KANK1: variants seen among roughly 807,000 people sequenced by gnomAD.
KANK1 encodes the protein KN motif and ankyrin repeat domain-containing protein 1.
In KANK1, 109 loss-of-function variants were observed where a neutral mutation model predicts 106.2. The observed-to-expected ratio is 1.03, with a 90% CI of 0.88 to 1.20. KANK1 has a LOEUF of 1.20. KANK1 is among the 50% of genes most tolerant of loss of function. The pLI is 0.00. For synonymous variants in KANK1, 873 were observed against 652.2 expected, an observed-to-expected ratio of 1.34 and a Z score of -5.16; for missense variants, 2,399 against 1,710.7, an observed-to-expected ratio of 1.40 and a Z score of -7.10.
intron 1 of KANK1, among the ~76,000 whole-genome samples, chr9:671,623 A>AAAAAAAAAAAAAAG (rs79437342): frequency 1.3e-4 from 13 of 103,622 alleles, no homozygotes; most frequent in African/African-American, 5.3e-4. Context: ...CTCAAAAAAA[A>AAAAAAAAAAAAAAG]AAAAGAGTGT....
chr9:641,308 A>T (rs957151157), intron 1 of KANK1, among the ~76,000 whole-genome samples: 1 of 152,214 alleles, frequency 6.6e-6, no homozygotes, highest in African/African-American at 2.4e-5. Context: ...AACAAATAAA[A>T]GTCTTTTACC....
At chr9:531,544 A>C (rs1040151184) in intron 1 of KANK1, among the ~76,000 whole-genome samples, 8 of 152,250 alleles carry the variant, frequency 5.3e-5, no homozygotes, top group Admixed American at 2.0e-4. Context: ...ATTGCAAAGC[A>C]AAACTCAATT....
intron 3 of KANK1, chr9:478,410 C>T (rs1196078139): frequency 6.6e-6 from 1 of 152,546 alleles, no homozygotes; most frequent in Non-Finnish European, 1.5e-5. Flanking sequence ...AATAAAAACA[C>T]AGCATGGTTA....
rs114114032 is a variant in KANK1 at position 744,505 on chromosome 9, G to A, written c.3912G>A (p.Ala1304=). 3.7e-3 allele frequency: 5,989 copies of A among 1,613,924 alleles called. 29 individuals carry two copies. Among genetic ancestry groups the A allele is most frequent in the Non-Finnish European group, 3.8e-3 (4,538 of 1,179,884 alleles). The change falls in exon 11 of 12, where the codon GCG becomes GCA. Residue 1304 remains alanine, a synonymous_variant. Coordinates refer to ENST00000382297, the MANE Select transcript of KANK1 (RefSeq NM_015158.5). ...CTTATCTTAAGGATGGCAGCACTGCGCTCTCAATCGCCCTGGAAGCAGGAC... is the reference window on the plus strand; with the variant it reads ...CTTATCTTAAGGATGGCAGCACTGCACTCTCAATCGCCCTGGAAGCAGGAC... The part of the protein sequence containing the change: ...GHLEDNDGST[A]LSIALEAGHK...
At chr9:709,610 CTTT>C (rs60899850) in intron 2 of KANK1, among the ~76,000 whole-genome samples, 40 of 136,974 alleles carry the variant, frequency 2.9e-4, no homozygotes, top group Admixed American at 2.2e-4. Flanking sequence ...GCTTTCATGT[CTTT>C]TTTTTTTTTT....
chr9:587,125 G>T (rs935439524), intron 1 of KANK1, among the ~76,000 whole-genome samples: 1 of 152,014 alleles, frequency 6.6e-6, no homozygotes, highest in African/African-American at 2.4e-5. Context: ...GTAATTTCTG[G>T]CCTTACATAA....
At chr9:663,986 C>G (rs1005831361) in intron 1 of KANK1, among the ~76,000 whole-genome samples, 6 of 152,022 alleles carry the variant, frequency 3.9e-5, no homozygotes, top group Non-Finnish European at 1.5e-5. Flanking sequence ...TATCCTCACC[C>G]AGATCTCATC....
At chr9:474,916 T>A (rs571882255) in intron 3 of KANK1, among the ~76,000 whole-genome samples, 13 of 152,148 alleles carry the variant, frequency 8.5e-5, no homozygotes, top group Non-Finnish European at 1.5e-4. Context: ...CATCTGATGG[T>A]GTACTTGTTA....
Position 674,930 on chromosome 9 carries a change from C to G in KANK1, c.-83-1960C>G, listed in dbSNP as rs571071317. ...ATGTTGGCCAGGCTGGTCTCAAACT[C>G]CTGACCTCAGGTGATCTGCCTGCGT... On this transcript the variant is annotated intron_variant, in intron 1 of 11. Transcript: ENST00000382297. Among the ~76,000 whole-genome samples, 79 of 152,224 alleles carry G rather than the reference C, an allele frequency of 5.2e-4. No individual in the cohort carries two copies. The South Asian group carries it at 0.016, about 31-fold the overall frequency.
intron 1 of KANK1, among the ~76,000 whole-genome samples, chr9:558,218 A>T (rs1230470867): frequency 1.3e-5 from 2 of 152,232 alleles, no homozygotes; most frequent in Non-Finnish European, 2.9e-5. Flanking sequence ...GTTCTGTTAT[A>T]TAAATAGGAT....
chr9:625,211 C>T (rs187446001), intron 1 of KANK1, among the ~76,000 whole-genome samples: 2 of 152,232 alleles, frequency 1.3e-5, no homozygotes, highest in African/African-American at 2.4e-5. Context: ...GCTACTGTCA[C>T]GGGAAAGATT....
chr9:722,797 A>G (rs1384915809), intron 3 of KANK1, among the ~76,000 whole-genome samples: 2 of 152,182 alleles, frequency 1.3e-5, no homozygotes, highest in Non-Finnish European at 2.9e-5. Flanking sequence ...TTACATGGAC[A>G]CTTATTAAAG....
intron 1 of KANK1, among the ~76,000 whole-genome samples, chr9:572,041 G>A (rs954681868): frequency 6.6e-6 from 1 of 151,670 alleles, no homozygotes; most frequent in African/African-American, 2.4e-5. Context: ...GGGAGGAGAT[G>A]CTTATTTTCC....
At chr9:540,867 G>A (rs1179692530) in intron 1 of KANK1, among the ~76,000 whole-genome samples, 2 of 152,084 alleles carry the variant, frequency 1.3e-5, no homozygotes, top group African/African-American at 4.8e-5. Context: ...CAATTGTAAT[G>A]TCTCATCTTT....
At chr9:718,977 T>G (rs1478307486) in intron 3 of KANK1, among the ~76,000 whole-genome samples, 2 of 143,772 alleles carry the variant, frequency 1.4e-5, no homozygotes, top group East Asian at 4.0e-4. Flanking sequence ...TTTTTTTTTT[T>G]GAGACACAGT....
upstream of KANK1, among the ~76,000 whole-genome samples, chr9:504,505 G>C (rs1040044156): frequency 6.6e-6 from 1 of 150,672 alleles, no homozygotes; most frequent in Non-Finnish European, 1.5e-5. Flanking sequence ...AGCAGCCGGG[G>C]CTTCGCCGGC....
intron 1 of KANK1, among the ~76,000 whole-genome samples, chr9:631,075 G>A (rs1406570164): frequency 6.6e-6 from 1 of 152,178 alleles, no homozygotes; most frequent in Non-Finnish European, 1.5e-5. Flanking sequence ...AGCAGTTCTA[G>A]GAGTGATATG....
intron 1 of KANK1, among the ~76,000 whole-genome samples, chr9:657,088 A>G (rs1390250809): frequency 3.3e-5 from 5 of 152,088 alleles, no homozygotes; most frequent in African/African-American, 1.2e-4. Flanking sequence ...TTCTGTTTCT[A>G]TGACTTTAAT....
At chr9:629,500 A>G (rs1005721300) in intron 1 of KANK1, among the ~76,000 whole-genome samples, 3 of 152,234 alleles carry the variant, frequency 2.0e-5, no homozygotes, top group Non-Finnish European at 4.4e-5. Context: ...CATTATTAGG[A>G]AAGGCAATGA....
Sources: allele counts gnomAD v4.1 joint callset (sites outside exome capture counted in the v4.1 genomes callset), GRCh38; gene constraint gnomAD v4.1.1; transcripts MANE v1.5; gene names NCBI Gene and HGNC (gene_info 2026-07-23, HGNC 2026-07-21).